SRRM2: variants seen among roughly 807,000 people sequenced by gnomAD.
SRRM2 encodes the protein serine/arginine repetitive matrix protein 2.
In SRRM2, 30 loss-of-function variants were observed where a neutral mutation model predicts 213.8. The ratio of observed to expected loss-of-function variants is 0.14; its 90% CI spans 0.10 to 0.19. The LOEUF is 0.19. SRRM2 is among the 10% of genes least tolerant of loss of function. The pLI is 1.00. For synonymous variants in SRRM2, 2,025 were observed against 1,377.7 expected (o/e 1.47, Z -10.40); for missense variants, 4,904 against 3,647.0 (o/e 1.34, Z -8.88).
Position 2,756,355 on chromosome 16 carries a change from G to C in SRRM2, c.-10G>C, listed in dbSNP as rs944924714. 8.8e-6 allele frequency: 14 copies of C among 1,592,858 alleles called. No individual in the cohort carries two copies. The highest frequency in any genetic ancestry group is 1.1e-5 in the Non-Finnish European group (13 of 1,172,638). Reference sequence around the variant, plus strand: ...TCAGGAGCGGTGGTGCCCCCCCCGGGCACGGGGCCATGTACAACGGGATCG... The same window carrying C: ...TCAGGAGCGGTGGTGCCCCCCCCGGCCACGGGGCCATGTACAACGGGATCG... On this transcript the variant is annotated 5_prime_UTR_variant, in exon 2 of 15. Transcript: ENST00000301740.
In SRRM2 at chr16:2,767,040, C is replaced by T; in HGVS notation, c.6512C>T (p.Ser2171Phe). The change falls in exon 11 of 15, where the codon TCT (serine) becomes TTT (phenylalanine). Residue 2171 changes from serine (S) to phenylalanine (F), a missense_variant. Physicochemically the swap from Ser to Phe is radical, Grantham distance 155 (BLOSUM62 -2). Coordinates refer to ENST00000301740, the MANE Select transcript of SRRM2 (RefSeq NM_016333.4). ...GPRIPDHQRT[S>F]VPENHAQSRI... The stretch of plus-strand genomic sequence containing the variant: ...CGAATACCTGACCACCAGAGAACAT[C>T]TGTGCCAGAAAATCATGCTCAGTCC... 6.2e-7 allele frequency: 1 copy of T among 1,614,226 alleles called. No homozygotes were observed.
At position 2,758,364 on chromosome 16, in the gene SRRM2, C is replaced by CTT. The variant is rs573788273; in HGVS notation, c.516-105_516-104dup. ...CCACCTGAGGCAACAGAGCGAGACT[C>CTT]TTATTTTTTTATTTTTATTACTATT... On this transcript the variant is annotated intron_variant, in intron 4 of 14. Coordinates refer to ENST00000301740, the MANE Select transcript of SRRM2 (RefSeq NM_016333.4). 3.0e-4 allele frequency: 329 copies of CTT among 1,098,210 alleles called. 2 individuals are homozygous for CTT. The African/African-American group carries it at 4.5e-3, about 15-fold the overall frequency. 68.0% of individuals were successfully genotyped at this position (1,098,210 alleles called of 1,614,324 possible).
chr16:2,762,948 A>C lies in SRRM2; in HGVS notation c.2420A>C (p.Lys807Thr), dbSNP rs147312180. The C allele has an allele frequency of 2.1e-4, 335 of 1,610,332 alleles. 2 individuals carry two copies. The highest frequency in any genetic ancestry group is 1.5e-3 in the Middle Eastern group (9 of 6,048). Reference sequence around the variant, plus strand: ...TCTGGATCCTCCCAACCTAAAGCTAAATCTAGAACGCCACCCAGACGCAGT... The same window carrying C: ...TCTGGATCCTCCCAACCTAAAGCTACATCTAGAACGCCACCCAGACGCAGT... ...SRSGSSQPKA[K>T]SRTPPRRSRS... Residue 807 changes from lysine (K) to threonine (T), a missense_variant, in exon 11 of 15, where the codon AAA (lysine) becomes ACA (threonine). Lys to Thr is a moderately conservative substitution (Grantham distance 78). Transcript: ENST00000301740.
chr16:2,770,601 C>T lies in SRRM2; in HGVS notation c.8136-3C>T, dbSNP rs1207672060. 3 of 1,551,714 alleles carry T rather than the reference C, an allele frequency of 1.9e-6. No individual in the cohort carries two copies. Among genetic ancestry groups the T allele is most frequent in the East Asian group, 2.4e-5 (1 of 41,092 alleles). On this transcript the variant is annotated splice_polypyrimidine_tract_variant and splice_region_variant and intron_variant, in intron 13 of 14. Transcript: ENST00000301740. Reference sequence around the variant, plus strand: ...GTGGCCTGATGTCTGTCCTGTGTTGCAGCAGCAGCAGTGAGCGGGGTTCCC... The same window carrying T: ...GTGGCCTGATGTCTGTCCTGTGTTGTAGCAGCAGCAGTGAGCGGGGTTCCC...
chr16:2,760,582 T>TA (rs2068306830), intron 10 of SRRM2, 83 bp downstream of exon 10: 1 of 1,450,078 alleles, frequency 6.9e-7, no homozygotes, highest in African/African-American at 1.4e-5. Flanking sequence ...GGAGAGGTAA[T>TA]AACTTATTAA....
Position 2,764,890 on chromosome 16 carries a change from C to T in SRRM2, c.4362C>T (p.Pro1454=). 1 of 1,614,166 alleles carries T rather than the reference C, an allele frequency of 6.2e-7. No homozygotes were observed. The highest frequency in any genetic ancestry group is 8.5e-7 in the Non-Finnish European group (1 of 1,180,016). The stretch of plus-strand genomic sequence containing the variant: ...GACTTAGAGATGGGTCTGGGACTCC[C>T]TCGAGGCACAGCCTGTCTGGGTCCT... The part of the protein sequence containing the change: ...SPGLRDGSGT[P]SRHSLSGSSP... The change falls in exon 11 of 15, where the codon CCC becomes CCT. Residue 1454 remains proline (P), a synonymous_variant. Transcript: ENST00000301740.
intron 10 of SRRM2, 36 bp from the exon 11 acceptor site, chr16:2,761,525 A>T: frequency 6.9e-7 from 1 of 1,452,288 alleles, no homozygotes; most frequent in Middle Eastern, 1.8e-4. Flanking sequence ...TTTGGCGTTT[A>T]TGAATCCCTA....
chr16:2,760,899 T>C (rs1193381431), intron 10 of SRRM2: 1 of 175,968 alleles, frequency 5.7e-6, no homozygotes, highest in African/African-American at 2.4e-5. Context: ...ACTGAAATAG[T>C]CTTCAGTAGT....
In SRRM2 at chr16:2,763,194, A is replaced by G. The variant is rs2068422777; in HGVS notation, c.2666A>G (p.His889Arg). ...TTGAAATCTAGGACCCCTTCTAGACATAGCTGCTCAGGGTCCTCTCCTCCT... is the reference window on the plus strand; with the variant it reads ...TTGAAATCTAGGACCCCTTCTAGACGTAGCTGCTCAGGGTCCTCTCCTCCT... ...PELKSRTPSR[H>R]SCSGSSPPRV... is the part of the protein sequence containing the mutation. The change falls in exon 11 of 15, where the codon CAT (histidine) becomes CGT (arginine). Residue 889 changes from histidine to arginine, a missense_variant. Physicochemically the swap from His to Arg is conservative, Grantham distance 29 (BLOSUM62 0). Coordinates refer to ENST00000301740, the MANE Select transcript of SRRM2 (RefSeq NM_016333.4). 1 of 1,614,094 alleles carries G rather than the reference A, an allele frequency of 6.2e-7. No individual in the cohort carries two copies.
chr16:2,761,106 C>T (rs1173760985), intron 10 of SRRM2, among the ~76,000 whole-genome samples: 6 of 152,146 alleles, frequency 3.9e-5, no homozygotes, highest in South Asian at 2.1e-4. Context: ...TGGTCTTTTT[C>T]TCATTTCCTG....
chr16:2,753,832 C>G (rs756656580), intron 1 of SRRM2, among the ~76,000 whole-genome samples: 11 of 152,244 alleles, frequency 7.2e-5, no homozygotes, highest in Non-Finnish European at 1.6e-4. Context: ...CTCAGCCGCT[C>G]TGGAGCGCCC....
Position 2,770,651 on chromosome 16 carries a change from G to A in SRRM2, c.8183G>A (p.Arg2728His), listed in dbSNP as rs369710402. Residue 2728 changes from arginine to histidine, a missense_variant, in exon 14 of 15, where the codon CGC (arginine) becomes CAC (histidine). Arg to His is a conservative substitution (Grantham distance 29). Transcript: ENST00000301740. ...CGGAGAGGCCAGCGTGGGGACAGCCGCTCCCCCAGCCACAAGCGCAGGAGG... is the reference window on the plus strand; with the variant it reads ...CGGAGAGGCCAGCGTGGGGACAGCCACTCCCCCAGCCACAAGCGCAGGAGG... ...GSRRGQRGDS[R>H]SPSHKRRRET... The A allele has an allele frequency of 4.5e-6, 7 of 1,552,272 alleles. No homozygotes were observed. In the African/African-American group the frequency reaches 5.5e-5, roughly 12 times the overall value.
At chr16:2,768,449 A>G (rs750129810) in intron 11 of SRRM2, 188 bp downstream of exon 11, 1 of 679,036 alleles carries the variant, frequency 1.5e-6, no homozygotes, top group Admixed American at 2.4e-5. Flanking sequence ...GGGACAGATA[A>G]AAGTCTCCGA....
At position 2,768,177 on chromosome 16, in the gene SRRM2, C is replaced by T; in HGVS notation, c.7649C>T (p.Ser2550Leu). Residue 2550 changes from serine (S) to leucine (L), a missense_variant, in exon 11 of 15, where the codon TCG (serine) becomes TTG (leucine). Transcript: ENST00000301740. ...TCCTCCTCTTCTTCATCATCGTCGT[C>T]GTCGTCCTCCTCCTCCTCTGGCTCC... ...SSSSSSSSSS[S>L]SSSSSSGSSS... is the part of the protein sequence containing the mutation. The T allele has an allele frequency of 2.5e-6, 4 of 1,612,580 alleles. No homozygotes were observed. Among genetic ancestry groups the T allele is most frequent in the South Asian group, 1.1e-5 (1 of 90,900 alleles).
At chr16:2,768,473 A>G (rs747925130) in intron 11 of SRRM2, 17 of 681,044 alleles carry the variant, frequency 2.5e-5, no homozygotes, top group African/African-American at 7.1e-5. Context: ...TTCATTCTCT[A>G]GAGGATAATG....
rs149101693 is a variant in SRRM2 at position 2,769,162 on chromosome 16, T to C, written c.7899T>C (p.Ser2633=). The C allele has an allele frequency of 7.5e-3, 12,079 of 1,600,652 alleles. 69 individuals carry two copies. Among genetic ancestry groups the C allele is most frequent in the Non-Finnish European group, 9.3e-3 (10,851 of 1,170,332 alleles). The change falls in exon 12 of 15, where the codon TCT becomes TCC. Residue 2633 remains serine, a synonymous_variant. Transcript: ENST00000301740. ...SSSSSSSSSS[S]SSSSSSSSSS... is the part of the protein sequence containing the mutation. Reference sequence around the variant, plus strand: ...CCTCTTCTTCCTCCTCCTCTTCCTCTTCTTCTTCTTCCTCCTCATCTTCCT... The same window carrying C: ...CCTCTTCTTCCTCCTCCTCTTCCTCCTCTTCTTCTTCCTCCTCATCTTCCT...
rs567790879 is a variant in SRRM2 at position 2,762,666 on chromosome 16, C to G, written c.2138C>G (p.Ser713Cys). 2 of 1,614,156 alleles carry G rather than the reference C, an allele frequency of 1.2e-6. No homozygotes were observed. The highest frequency in any genetic ancestry group is 8.5e-7 in the Non-Finnish European group (1 of 1,180,040). ...AGAAGCTTAGTTAGACGTGGAAGAT[C>G]TCACTCTAGAACACCTCAAAGAAGA... ...RSRSLVRRGR[S>C]HSRTPQRRGR... is the part of the protein sequence containing the mutation. Residue 713 changes from serine to cysteine, a missense_variant, in exon 11 of 15, where the codon TCT (serine) becomes TGT (cysteine). Ser to Cys is a moderately radical substitution (Grantham distance 112). Coordinates refer to ENST00000301740, the MANE Select transcript of SRRM2 (RefSeq NM_016333.4).
intron 12 of SRRM2, 85 bp from the exon 13 acceptor site, chr16:2,770,267 G>C: frequency 1.4e-6 from 2 of 1,476,772 alleles, no homozygotes; most frequent in Non-Finnish European, 1.8e-6. Flanking sequence ...GAGGTTTGGT[G>C]GTCAGGACCT....
At chr16:2,758,695 A>C (rs2068235055) in intron 5 of SRRM2, 148 bp downstream of exon 5, 8 of 778,574 alleles carry the variant, frequency 1.0e-5, no homozygotes, top group Non-Finnish European at 1.1e-5. Flanking sequence ...AACTAGAAGA[A>C]ATACCTGAGT....
Sources: allele counts gnomAD v4.1 joint callset (sites outside exome capture counted in the v4.1 genomes callset), GRCh38; gene constraint gnomAD v4.1.1; transcripts MANE v1.5; gene names NCBI Gene and HGNC (gene_info 2026-07-23, HGNC 2026-07-21).